The following MS4A18 variants were observed in gnomAD, a reference collection of about 807,000 sequenced individuals.
MS4A18 encodes membrane spanning 4-domains A18, also known as membrane-spanning 4-domains subfamily A member 18.
A neutral mutation model predicts 13.1 loss-of-function variants in MS4A18; 27 were observed. That is an observed-to-expected ratio of 2.06 (90% confidence interval 1.52 to 2.84). MS4A18 has a LOEUF of 2.84. Among genes scored for constraint, MS4A18 ranks in the 30% most tolerant of loss-of-function variants. The pLI, the probability that MS4A18 is intolerant of heterozygous loss-of-function variation, is 0.00. For synonymous variants in MS4A18, 126 were observed against 76.5 expected, an observed-to-expected ratio of 1.65 and a Z score of -3.38; for missense variants, 307 against 196.4, an observed-to-expected ratio of 1.56 and a Z score of -3.37.
chr11:60,729,481 A>G (rs1388563477), exon 1 of MS4A18: 15 of 702,752 alleles, frequency 2.1e-5, no homozygotes, highest in Non-Finnish European at 3.1e-5. Flanking sequence ...TGATACAGGA[A>G]GAGCAAACTT....
intron 4 of MS4A18, among the ~76,000 whole-genome samples, chr11:60,740,518 T>G (rs112447607): frequency 1.5e-3 from 222 of 152,316 alleles, no homozygotes; most frequent in African/African-American, 4.9e-3. Flanking sequence ...ACCTAGCTGG[T>G]GTCTATCCCC....
intron 4 of MS4A18, among the ~76,000 whole-genome samples, chr11:60,739,528 T>A (rs1007515418): frequency 1.1e-4 from 16 of 151,974 alleles, no homozygotes; most frequent in African/African-American, 3.6e-4. Context: ...ACTATAAACG[T>A]ATTATCCGGC....
At chr11:60,737,352 T>G (rs1853357540) in intron 3 of MS4A18, among the ~76,000 whole-genome samples, 1 of 152,192 alleles carries the variant, frequency 6.6e-6, no homozygotes, top group Non-Finnish European at 1.5e-5. Flanking sequence ...ATTTTACTAT[T>G]CAAAAACTTA....
downstream of MS4A18, among the ~76,000 whole-genome samples, chr11:60,744,883 A>G (rs1853463938): frequency 6.6e-6 from 1 of 152,226 alleles, no homozygotes; most frequent in Non-Finnish European, 1.5e-5. Flanking sequence ...GAGGTCTCAG[A>G]TGTTGTTAGG....
intron 5 of MS4A18, among the ~76,000 whole-genome samples, chr11:60,742,023 G>C (rs890842736): frequency 2.6e-5 from 4 of 152,226 alleles, no homozygotes; most frequent in African/African-American, 9.7e-5. Flanking sequence ...AGAAGCACAA[G>C]ATTGTCACTG....
At chr11:60,730,517 G>A (rs1383235776) in intron 1 of MS4A18, among the ~76,000 whole-genome samples, 1 of 152,242 alleles carries the variant, frequency 6.6e-6, no homozygotes, top group Non-Finnish European at 1.5e-5. Context: ...GAGGGTCTTT[G>A]TTCATGGCAG....
intron 3 of MS4A18, among the ~76,000 whole-genome samples, chr11:60,737,878 C>A (rs1266256194): frequency 6.6e-6 from 1 of 152,246 alleles, no homozygotes; most frequent in Admixed American, 6.5e-5. Flanking sequence ...TGTGGCCCCA[C>A]AATCTGCCTT....
rs1028057159 is a variant in MS4A18 at position 60,744,027 on chromosome 11, C to T, written c.*33C>T. The T allele has an allele frequency of 2.0e-5, 14 of 686,416 alleles. No homozygotes were observed. In the Admixed American group the frequency reaches 2.6e-4, roughly 13 times the overall value. The allele number at this position is 686,416 out of a possible 1,614,324, so 42.5% of individuals were successfully genotyped here. A position where few individuals can be genotyped will look rare whatever the true frequency, so the allele number is the denominator to read the frequency against. On this transcript the variant is annotated 3_prime_UTR_variant, in exon 6 of 6. Coordinates refer to ENST00000529108, the Ensembl canonical transcript of MS4A18. ...GCACAGAGATAGATGACATGGGATG[C>T]CTGTCTCAATGACAAGGGGATACAC...
At chr11:60,727,043 AG>A (rs1252908872), upstream of MS4A18, among the ~76,000 whole-genome samples, 1 of 152,012 alleles carries the variant, frequency 6.6e-6, no homozygotes, top group Non-Finnish European at 1.5e-5. Context: ...TAGTTTGCTG[AG>A]AATGATGGTT....
At chr11:60,726,762 A>ATTTTC (rs1242665099), upstream of MS4A18, among the ~76,000 whole-genome samples, 1 of 149,614 alleles carries the variant, frequency 6.7e-6, no homozygotes, top group Non-Finnish European at 1.5e-5. Context: ...ATTTTATTTT[A>ATTTTC]TTTTATTTTA....
At chr11:60,725,615 G>A (rs1319524064), upstream of MS4A18, among the ~76,000 whole-genome samples, 3 of 151,800 alleles carry the variant, frequency 2.0e-5, no homozygotes, top group African/African-American at 7.3e-5. Flanking sequence ...TAAAGAAGGA[G>A]TCCTCTGAAA....
intron 5 of MS4A18, among the ~76,000 whole-genome samples, chr11:60,742,977 G>A (rs1853430633): frequency 6.6e-6 from 1 of 152,200 alleles, no homozygotes. Context: ...TCTCCAGTCT[G>A]CTGTGGCAGT....
chr11:60,735,992 T>A (rs182748345), intron 2 of MS4A18, among the ~76,000 whole-genome samples: 1 of 152,204 alleles, frequency 6.6e-6, no homozygotes, highest in East Asian at 1.9e-4. Context: ...TCCGATCATA[T>A]TTACCTATAT....
At chr11:60,737,845 C>T (rs1853363431) in intron 3 of MS4A18, among the ~76,000 whole-genome samples, 1 of 152,190 alleles carries the variant, frequency 6.6e-6, no homozygotes, top group African/African-American at 2.4e-5. Context: ...AATTACCAAT[C>T]TCCAGTCTGC....
At chr11:60,741,801 C>T (rs1252932478) in intron 5 of MS4A18, among the ~76,000 whole-genome samples, 1 of 152,144 alleles carries the variant, frequency 6.6e-6, no homozygotes, top group Non-Finnish European at 1.5e-5. Context: ...ATTTTGGATG[C>T]CCAAATGTCC....
upstream of MS4A18, among the ~76,000 whole-genome samples, chr11:60,727,261 C>G (rs569769597): frequency 6.6e-6 from 1 of 152,168 alleles, no homozygotes; most frequent in Non-Finnish European, 1.5e-5. Flanking sequence ...TAACTGTTCC[C>G]TCTGTGCCAG....
chr11:60,734,232 G>A (rs1456927074), intron 2 of MS4A18, among the ~76,000 whole-genome samples: 1 of 152,062 alleles, frequency 6.6e-6, no homozygotes, highest in Non-Finnish European at 1.5e-5. Context: ...CTCCAGCCTG[G>A]GTAACAGAGT....
At chr11:60,744,599 T>C (rs374031379), downstream of MS4A18, among the ~76,000 whole-genome samples, 3 of 152,196 alleles carry the variant, frequency 2.0e-5, no homozygotes, top group East Asian at 5.8e-4. Context: ...TGGAAGAAAA[T>C]ATTTGCAAAT....
At chr11:60,743,707 C>A (rs1853441502) in exon 6 of MS4A18, 2 of 702,954 alleles carry the variant, frequency 2.8e-6, no homozygotes, top group African/African-American at 1.7e-5. Flanking sequence ...CACCACCAGC[C>A]CTGTCAATGC....
Sources: gnomAD v4.1 joint callset for allele counts (sites outside exome capture counted in the v4.1 genomes callset) on GRCh38, gnomAD v4.1.1 for gene constraint, MANE v1.5 for transcripts, NCBI Gene and HGNC (gene_info 2026-07-23, HGNC 2026-07-21) for gene names.